The following KCNH7 variants were observed in gnomAD, a reference collection of about 807,000 sequenced individuals.
The protein encoded by KCNH7 is voltage-gated inwardly rectifying potassium channel KCNH7.
In KCNH7, 49 loss-of-function variants were observed where a neutral mutation model predicts 120.8. The ratio of observed to expected loss-of-function variants is 0.41; its 90% CI spans 0.32 to 0.51. The LOEUF is 0.51. Ranked by LOEUF, KCNH7 falls within the 20% of genes least tolerant of loss-of-function variation. The pLI is 0.38. For synonymous variants in KCNH7, 547 were observed against 516.1 expected (o/e 1.06, Z -0.81); for missense variants, 1,097 against 1,446.6 (o/e 0.76, Z 3.92).
chr2:162,500,672 A>G (rs532216331), intron 6 of KCNH7, among the ~76,000 whole-genome samples: 1 of 152,172 alleles, frequency 6.6e-6, no homozygotes, highest in East Asian at 1.9e-4. Context: ...TGAATAATCT[A>G]TAAGCAAAAT....
intron 3 of KCNH7, among the ~76,000 whole-genome samples, chr2:162,530,081 C>T (rs571093259): frequency 6.6e-6 from 1 of 151,990 alleles, no homozygotes; most frequent in South Asian, 2.1e-4. Context: ...GAGAAAGCTG[C>T]TCACTTTTCT....
rs1317893304 is a variant in KCNH7, at chr2:162,517,947, A to G, written c.675T>C (p.Cys225=). The G allele has an allele frequency of 6.2e-7, 1 of 1,612,376 alleles. No individual in the cohort carries two copies. The highest frequency in any genetic ancestry group is 1.3e-5 in the African/African-American group (1 of 74,756). ...DTKALIQPSK[C]SPLVNISGPL... ...GTCCGGATATATTCACCAAGGGAGA[A>G]CATTTGCTGGGCTGTATCAAAGCTT... Residue 225 remains cysteine, a synonymous_variant, in exon 4 of 16, where the codon TGT becomes TGC. Coordinates refer to ENST00000332142, the MANE Select transcript of KCNH7 (RefSeq NM_033272.4).
intron 2 of KCNH7, among the ~76,000 whole-genome samples, chr2:162,642,919 A>G (rs930508675): frequency 6.6e-6 from 1 of 152,240 alleles, no homozygotes; most frequent in Non-Finnish European, 1.5e-5. Context: ...TTAACCAGGC[A>G]TAACATGCTG....
rs117843092 is a variant in KCNH7, at chr2:162,676,184, T to C, written c.308-139104A>G. ...GAATACATTGTAATAGTGATTCTGCTAAAAGGCTACCTTCCATGCAGCCAG... is the reference window on the plus strand; with the variant it reads ...GAATACATTGTAATAGTGATTCTGCCAAAAGGCTACCTTCCATGCAGCCAG... On this transcript the variant is annotated intron_variant, in intron 2 of 15. Transcript: ENST00000332142. 8.9e-3 allele frequency among the ~76,000 whole-genome samples: 1,353 copies of C among 151,612 alleles called. 34 individuals carry two copies. In the East Asian group the frequency reaches 0.11, roughly 13 times the overall value.
In KCNH7 at chr2:162,372,999, G is replaced by A. The variant is rs150087400; in HGVS notation, c.3324+471C>T. Reference sequence around the variant, plus strand: ...TAGTCTGATGGCATTTGAACCTCAGGTCTAATCTGGCCAGCCTACTATTTC... The same window carrying A: ...TAGTCTGATGGCATTTGAACCTCAGATCTAATCTGGCCAGCCTACTATTTC... On this transcript the variant is annotated intron_variant, in intron 15 of 15. Coordinates refer to ENST00000332142, the MANE Select transcript of KCNH7 (RefSeq NM_033272.4). Among the ~76,000 whole-genome samples the A allele has an allele frequency of 3.0e-3, 460 of 152,198 alleles. 2 individuals carry two copies. The highest frequency in any genetic ancestry group is 5.5e-3 in the Non-Finnish European group (372 of 68,006).
intron 2 of KCNH7, among the ~76,000 whole-genome samples, chr2:162,705,174 A>T (rs1311695229): frequency 6.6e-6 from 1 of 152,174 alleles, no homozygotes; most frequent in African/African-American, 2.4e-5. Flanking sequence ...AAAATGATAT[A>T]TAATGTATAG....
At chr2:162,431,172 A>G (rs943813425) in intron 8 of KCNH7, among the ~76,000 whole-genome samples, 3 of 152,022 alleles carry the variant, frequency 2.0e-5, no homozygotes, top group African/African-American at 7.2e-5. Context: ...TTATATCGCT[A>G]TAAGATAGAA....
chr2:162,601,399 CTTTTTTTTTTTTTTT>C (rs60201823), intron 2 of KCNH7, among the ~76,000 whole-genome samples: 2 of 9,602 alleles, frequency 2.1e-4, no homozygotes, highest in African/African-American at 1.1e-3. Flanking sequence ...ACTTCTTGTG[CTTTTTTTTTTTTTTT>C]TTTTTTTTTT....
intron 2 of KCNH7, among the ~76,000 whole-genome samples, chr2:162,619,396 T>G (rs1683260414): frequency 6.6e-6 from 1 of 152,114 alleles, no homozygotes; most frequent in East Asian, 1.9e-4. Flanking sequence ...AGTTACATCT[T>G]TTATAATTCT....
rs1037161663 is a variant in KCNH7, at chr2:162,566,461, G to A, written c.308-29381C>T. On this transcript the variant is annotated intron_variant, in intron 2 of 15. Transcript: ENST00000332142. ...GACTCAGTTCCATGTGGTCTATCCT[G>A]CAATCACAAACTACCTGCTTAAATC... Among the ~76,000 whole-genome samples the A allele has an allele frequency of 2.6e-5, 4 of 152,096 alleles. No homozygotes were observed. In the South Asian group the frequency reaches 6.2e-4, roughly 24 times the overall value.
chr2:162,519,677 A>G (rs1691449984), intron 3 of KCNH7, among the ~76,000 whole-genome samples: 1 of 151,860 alleles, frequency 6.6e-6, no homozygotes, highest in Non-Finnish European at 1.5e-5. Flanking sequence ...ATGATTTACA[A>G]GAAAATGCAA....
chr2:162,812,598 G>A lies in KCNH7; in HGVS notation c.307+23939C>T, dbSNP rs1407202989. 3.9e-5 allele frequency among the ~76,000 whole-genome samples: 6 copies of A among 152,142 alleles called. No homozygotes were observed. In the East Asian group the frequency reaches 1.2e-3, roughly 30 times the overall value. On this transcript the variant is annotated intron_variant, in intron 2 of 15. Coordinates refer to ENST00000332142, the MANE Select transcript of KCNH7 (RefSeq NM_033272.4). ...TTTAAGGTGAGGATTATTCCAAGGA[G>A]AAGACAAATTTGGTTTTAGCCATGT... is the stretch of plus-strand genomic sequence containing the variant.
chr2:162,441,999 C>CTTTTTTTTTTTTTGTTTTTTTTTT (rs1688431661), intron 7 of KCNH7, among the ~76,000 whole-genome samples: 1 of 41,528 alleles, frequency 2.4e-5, no homozygotes, highest in Non-Finnish European at 5.1e-5. Context: ...GTTAGGTCTT[C>CTTTTTTTTTTTTTGTTTTTTTTTT]TTTTTTTTTT....
intron 2 of KCNH7, among the ~76,000 whole-genome samples, chr2:162,809,154 T>C (rs1174167476): frequency 2.0e-5 from 3 of 152,216 alleles, no homozygotes; most frequent in Non-Finnish European, 4.4e-5. Flanking sequence ...ACATTAAATA[T>C]ATACTGTGAT....
chr2:162,694,521 A>C (rs1686222435), intron 2 of KCNH7, among the ~76,000 whole-genome samples: 1 of 149,120 alleles, frequency 6.7e-6, no homozygotes, highest in African/African-American at 2.6e-5. Context: ...TCACATGAGG[A>C]ATCTGGGCTC....
intron 9 of KCNH7, among the ~76,000 whole-genome samples, chr2:162,414,541 C>G (rs113105007): frequency 6.6e-6 from 1 of 151,418 alleles, no homozygotes; most frequent in South Asian, 2.1e-4. Context: ...GATATTTTCA[C>G]GAGATATTAA....
intron 2 of KCNH7, among the ~76,000 whole-genome samples, chr2:162,821,661 T>C (rs1685125394): frequency 6.6e-6 from 1 of 152,236 alleles, no homozygotes; most frequent in Admixed American, 6.5e-5. Flanking sequence ...TTGTAAAAAC[T>C]TTCTTCTTTC....
chr2:162,445,921 A>C, intron 7 of KCNH7, 97 bp downstream of exon 7: 1 of 931,216 alleles, frequency 1.1e-6, no homozygotes. Flanking sequence ...AGTGAGATAC[A>C]AGAAGCTTGC....
chr2:162,408,283 G>C (rs901049093), intron 9 of KCNH7, among the ~76,000 whole-genome samples: 7 of 152,002 alleles, frequency 4.6e-5, no homozygotes, highest in South Asian at 2.1e-4. Context: ...ATTGGGTATT[G>C]TTTCTTGGGA....
Sources: gnomAD v4.1 joint callset for allele counts (sites outside exome capture counted in the v4.1 genomes callset) on GRCh38, gnomAD v4.1.1 for gene constraint, MANE v1.5 for transcripts, NCBI Gene and HGNC (gene_info 2026-07-23, HGNC 2026-07-21) for gene names.